The following OTOF variants were observed in gnomAD, a reference collection of about 807,000 sequenced individuals.
OTOF encodes the protein fer-1-like family member 2.
OTOF carries 218 observed loss-of-function variants against 236.8 expected under a neutral mutation model. The ratio of observed to expected loss-of-function variants is 0.92; its 90% CI spans 0.82 to 1.03. The LOEUF is 1.03. OTOF is among the 50% of genes least tolerant of loss of function. The probability of loss-of-function intolerance (pLI) is 0.00; values close to 1 mark genes in which losing one functional copy is unlikely to be tolerated. For synonymous variants in OTOF, 1,041 were observed against 1,072.5 expected, an observed-to-expected ratio of 0.97 and a Z score of 0.57; for missense variants, 2,590 against 2,694.4, an observed-to-expected ratio of 0.96 and a Z score of 0.86.
rs538682274 is a variant in OTOF, at chr2:26,498,048, G to A, written c.766-2975C>T. 1.9e-4 allele frequency among the ~76,000 whole-genome samples: 29 copies of A among 152,338 alleles called. No homozygotes were observed. The South Asian group carries it at 5.6e-3, about 29-fold the overall frequency. ...GACAGACATAGTTTTGGCATCTACC[G>A]AAGATAAGCCAGCAGCAAGTCCTCT... On this transcript the variant is annotated intron_variant, in intron 8 of 46. Coordinates refer to ENST00000272371, the MANE Select transcript of OTOF (RefSeq NM_194248.3).
At chr2:26,537,970 G>A (rs909074627) in intron 1 of OTOF, among the ~76,000 whole-genome samples, 196 bp from the exon 2 acceptor site, 2 of 152,160 alleles carry the variant, frequency 1.3e-5, no homozygotes, top group Non-Finnish European at 2.9e-5. Context: ...CAGCAGCCTC[G>A]TGAGGGAAGC....
chr2:26,506,903 A>G (rs758286698), intron 5 of OTOF, among the ~76,000 whole-genome samples: 2 of 152,166 alleles, frequency 1.3e-5, no homozygotes, highest in African/African-American at 2.4e-5. Flanking sequence ...AGGCAGGAGA[A>G]TCGCTTGAAC....
intron 2 of OTOF, among the ~76,000 whole-genome samples, chr2:26,529,777 G>A (rs1666896818): frequency 1.3e-5 from 2 of 152,022 alleles, no homozygotes; most frequent in African/African-American, 4.8e-5. Context: ...AAGAAGCAGA[G>A]GAGCGGGAGA....
chr2:26,480,745 G>C, intron 15 of OTOF, 41 bp downstream of exon 15: 1 of 1,539,898 alleles, frequency 6.5e-7, no homozygotes, highest in South Asian at 1.1e-5. Flanking sequence ...AGGGGGCTGA[G>C]CTGGAGGCCC....
At chr2:26,494,354 A>T (rs1349138705) in intron 9 of OTOF, among the ~76,000 whole-genome samples, 1 of 152,244 alleles carries the variant, frequency 6.6e-6, no homozygotes, top group Admixed American at 6.5e-5. Flanking sequence ...AGCCCGCAGA[A>T]GTTTAGGCAA....
At chr2:26,503,958 G>T (rs1272635043) in intron 5 of OTOF, 113 bp from the exon 6 acceptor site, 3 of 935,482 alleles carry the variant, frequency 3.2e-6, no homozygotes, top group Non-Finnish European at 5.2e-6. Context: ...AGATGGACCC[G>T]GCCCCTCACC....
intron 32 of OTOF, 82 bp from the exon 33 acceptor site, chr2:26,468,556 A>T: frequency 1.0e-6 from 1 of 961,250 alleles, no homozygotes; most frequent in Non-Finnish European, 1.7e-6. Context: ...GGCCCAGACC[A>T]GTCTTAATGC....
chr2:26,460,781 T>C lies in OTOF; in HGVS notation c.5713-34A>G, dbSNP rs778233389. On this transcript the variant is annotated intron_variant, in intron 44 of 46. Coordinates refer to ENST00000272371, the MANE Select transcript of OTOF (RefSeq NM_194248.3). The surrounding 1 kb of genome is among the most constrained non-coding windows in gnomAD (Gnocchi z 5.3). ...GACAGACAGGTCCCAGCGTCCAGGC[T>C]GCGTGCTGGGCCCTTGGCACCCCAG... is the stretch of plus-strand genomic sequence containing the variant. 9.3e-6 allele frequency: 15 copies of C among 1,613,402 alleles called. No homozygotes were observed. Among genetic ancestry groups the C allele is most frequent in the African/African-American group, 1.3e-5 (1 of 74,906 alleles).
chr2:26,470,917 G>A lies in OTOF; in HGVS notation c.3895-196C>T, dbSNP rs1419727574. ...GGCCACAGAGTGTTGTGACCTGCCA[G>A]TGCGATCCACTCGCCCAAGCAGGAC... On this transcript the variant is annotated intron_variant, in intron 31 of 46. Transcript: ENST00000272371. The surrounding 1 kb of genome is among the most constrained non-coding windows in gnomAD (Gnocchi z 4.3). 6.6e-6 allele frequency among the ~76,000 whole-genome samples: 1 copy of A among 152,204 alleles called. No individual in the cohort carries two copies. The highest frequency in any genetic ancestry group is 1.9e-4 in the East Asian group (1 of 5,192).
intron 2 of OTOF, among the ~76,000 whole-genome samples, chr2:26,530,070 G>A (rs1666907208): frequency 6.6e-6 from 1 of 151,590 alleles, no homozygotes; most frequent in East Asian, 2.0e-4. Context: ...GGGAGTCGGG[G>A]GGCCGCAGGA....
intron 26 of OTOF, 147 bp from the exon 27 acceptor site, chr2:26,474,257 C>A: frequency 1.8e-6 from 2 of 1,121,216 alleles, no homozygotes; most frequent in East Asian, 2.6e-5. Context: ...AGGAGAGAGG[C>A]CCCTAGGCCC....
intron 8 of OTOF, among the ~76,000 whole-genome samples, chr2:26,500,075 G>A (rs910809675): frequency 1.3e-5 from 2 of 152,182 alleles, no homozygotes; most frequent in African/African-American, 4.8e-5. Context: ...ATGAACCAGG[G>A]ACCCGAAGGG....
At chr2:26,517,795 G>A (rs575837052) in intron 4 of OTOF, among the ~76,000 whole-genome samples, 27 of 152,292 alleles carry the variant, frequency 1.8e-4, no homozygotes, top group African/African-American at 6.3e-4. Flanking sequence ...TAGGAGATCC[G>A]TGAGTCCTTT....
At chr2:26,520,891 A>G (rs986554737) in intron 3 of OTOF, among the ~76,000 whole-genome samples, 1 of 152,210 alleles carries the variant, frequency 6.6e-6, no homozygotes, top group Admixed American at 6.5e-5. Context: ...AATCACCTGG[A>G]GGGCTTGTGA....
chr2:26,474,675 C>T lies in OTOF; in HGVS notation c.3127-1G>A. 1 of 1,613,260 alleles carries T rather than the reference C, an allele frequency of 6.2e-7. No individual in the cohort carries two copies. The highest frequency in any genetic ancestry group is 8.5e-7 in the Non-Finnish European group (1 of 1,179,994). On this transcript the variant is annotated splice_acceptor_variant, in intron 25 of 46. Transcript: ENST00000272371. LOFTEE classifies it high-confidence loss of function. ...TCCGGCCCATGAAGTCAGCTTTGCC[C>T]TGACGCAACAGACAACCCAGAAGCC...
At chr2:26,533,432 C>G (rs1235681606) in intron 2 of OTOF, among the ~76,000 whole-genome samples, 1 of 152,000 alleles carries the variant, frequency 6.6e-6, no homozygotes, top group East Asian at 1.9e-4. Context: ...GTGTCTCTGT[C>G]TCTCTCTCTC....
rs555660911 is a variant in OTOF, at chr2:26,544,773, C to T, written c.80-6999G>A. ...AAATTGCTGGCCGGGCGCAATGGCTCATGCCTGTAATCCCAGCACTTTGGG... is the reference window on the plus strand; with the variant it reads ...AAATTGCTGGCCGGGCGCAATGGCTTATGCCTGTAATCCCAGCACTTTGGG... On this transcript the variant is annotated intron_variant, in intron 1 of 46. Transcript: ENST00000272371. Among the ~76,000 whole-genome samples, 4 of 152,244 alleles carry T rather than the reference C, an allele frequency of 2.6e-5. No homozygotes were observed. In the East Asian group the frequency reaches 7.7e-4, roughly 29 times the overall value.
At chr2:26,535,126 G>T (rs955428399) in intron 2 of OTOF, among the ~76,000 whole-genome samples, 2 of 152,246 alleles carry the variant, frequency 1.3e-5, no homozygotes, top group African/African-American at 4.8e-5. Flanking sequence ...GGCCAGGGCT[G>T]AGGCCACTTT....
At chr2:26,485,664 G>A (rs1288094381) in intron 11 of OTOF, among the ~76,000 whole-genome samples, 1 of 152,208 alleles carries the variant, frequency 6.6e-6, no homozygotes, top group East Asian at 1.9e-4. Flanking sequence ...CAGGGACTCA[G>A]CACCTCCCTC....
Sources: allele counts gnomAD v4.1 joint callset (sites outside exome capture counted in the v4.1 genomes callset), GRCh38; gene constraint gnomAD v4.1.1; non-coding constraint Gnocchi (gnomAD v3.1); transcripts MANE v1.5; gene names NCBI Gene and HGNC (gene_info 2026-07-23, HGNC 2026-07-21).